BANK1: variants seen among roughly 807,000 people sequenced by gnomAD.
BANK1 encodes B cell scaffold protein with ankyrin repeats 1.
A neutral mutation model predicts 94.5 loss-of-function variants in BANK1; 95 were observed. The ratio of observed to expected loss-of-function variants is 1.00; its 90% CI spans 0.85 to 1.19. The LOEUF is 1.19. BANK1 is among the 50% of genes most tolerant of loss of function. BANK1 has a pLI of 0.00. For synonymous variants in BANK1, 334 were observed against 308.4 expected, an observed-to-expected ratio of 1.08 and a Z score of -0.87; for missense variants, 987 against 932.2, an observed-to-expected ratio of 1.06 and a Z score of -0.77.
Position 101,844,118 on chromosome 4 carries a change from A to G in BANK1, c.470-10917A>G, listed in dbSNP as rs17031709. On this transcript the variant is annotated intron_variant, in intron 2 of 16. Transcript: ENST00000322953. ...TGGAGTTGAGGTAGATGTAAAGATT[A>G]TTGATTATGGACATCCAGATATCAC... Among the ~76,000 whole-genome samples the G allele has an allele frequency of 4.8e-3, 738 of 152,250 alleles. 14 individuals are homozygous for G. The East Asian group carries it at 0.059, about 12-fold the overall frequency.
At chr4:101,844,716 C>G (rs1261443248) in intron 2 of BANK1, among the ~76,000 whole-genome samples, 1 of 152,134 alleles carries the variant, frequency 6.6e-6, no homozygotes, top group African/African-American at 2.4e-5. Flanking sequence ...GGTTGCATCC[C>G]TTGGGATGAG....
intron 7 of BANK1, among the ~76,000 whole-genome samples, chr4:101,944,938 C>T (rs549073016): frequency 3.3e-5 from 5 of 151,930 alleles, no homozygotes; most frequent in South Asian, 2.1e-4. Context: ...CAAGTGTGTG[C>T]GGAAAATAAA....
At chr4:102,026,684 G>T (rs894435915) in intron 9 of BANK1, among the ~76,000 whole-genome samples, 20 of 152,008 alleles carry the variant, frequency 1.3e-4, no homozygotes, top group Non-Finnish European at 1.2e-4. Context: ...ACAAAAATTA[G>T]CTGGGCGTGC....
chr4:101,932,086 G>T (rs746758572), intron 7 of BANK1, among the ~76,000 whole-genome samples: 1 of 151,446 alleles, frequency 6.6e-6, no homozygotes, highest in Non-Finnish European at 1.5e-5. Context: ...GTTTTAATGG[G>T]TGAAAAGTTC....
intron 6 of BANK1, among the ~76,000 whole-genome samples, chr4:101,906,654 A>G (rs1043149750): frequency 2.6e-5 from 4 of 152,144 alleles, no homozygotes; most frequent in African/African-American, 9.7e-5. Context: ...CCTCCTCATC[A>G]TCAGTGTGAA....
At chr4:101,985,750 A>T (rs544744699) in intron 7 of BANK1, among the ~76,000 whole-genome samples, 38 of 152,076 alleles carry the variant, frequency 2.5e-4, no homozygotes, top group African/African-American at 4.6e-4. Context: ...ACATGAAATT[A>T]AAAAAAATAA....
chr4:102,056,209 G>A (rs1357289329), intron 11 of BANK1, among the ~76,000 whole-genome samples: 2 of 152,132 alleles, frequency 1.3e-5, no homozygotes, highest in African/African-American at 4.8e-5. Flanking sequence ...TTCCAGGAAA[G>A]GAGATTGACA....
At chr4:101,927,002 A>G (rs1723177522) in intron 7 of BANK1, among the ~76,000 whole-genome samples, 1 of 151,748 alleles carries the variant, frequency 6.6e-6, no homozygotes, top group Non-Finnish European at 1.5e-5. Flanking sequence ...GGTAATGATG[A>G]GAATTTGGTA....
intron 2 of BANK1, among the ~76,000 whole-genome samples, chr4:101,850,823 G>C (rs531711476): frequency 2.0e-5 from 3 of 152,226 alleles, no homozygotes; most frequent in African/African-American, 7.2e-5. Flanking sequence ...TGTTTTGGGT[G>C]CCATGGACTG....
intron 14 of BANK1, among the ~76,000 whole-genome samples, chr4:102,071,683 T>C (rs1219317811): frequency 6.6e-6 from 1 of 152,192 alleles, no homozygotes; most frequent in Non-Finnish European, 1.5e-5. Context: ...TATATGTAAA[T>C]GGAAGCTCGT....
chr4:101,903,786 G>T (rs528385210), intron 6 of BANK1, among the ~76,000 whole-genome samples: 1 of 152,146 alleles, frequency 6.6e-6, no homozygotes, highest in African/African-American at 2.4e-5. Context: ...TGATCCCTAC[G>T]TATGGTTACT....
chr4:101,916,342 G>A (rs1159118645), intron 6 of BANK1, among the ~76,000 whole-genome samples: 1 of 151,936 alleles, frequency 6.6e-6, no homozygotes, highest in Non-Finnish European at 1.5e-5. Flanking sequence ...CCCCAAAGTG[G>A]TCATTCTACT....
chr4:101,915,442 AT>A (rs1300202349), intron 6 of BANK1, among the ~76,000 whole-genome samples: 1 of 152,158 alleles, frequency 6.6e-6, no homozygotes, highest in Non-Finnish European at 1.5e-5. Context: ...GCAAGAAGAA[AT>A]TAAGACTCAT....
intron 12 of BANK1, 139 bp downstream of exon 12, chr4:102,060,528 CAAAT>C: frequency 1.1e-6 from 1 of 944,246 alleles, no homozygotes; most frequent in Non-Finnish European, 1.5e-6. Flanking sequence ...TTCAAGAAAT[CAAAT>C]AATGTTTGAA....
intron 7 of BANK1, among the ~76,000 whole-genome samples, chr4:102,007,087 TA>T (rs1228735592): frequency 0.011 from 1,106 of 101,522 alleles, 12 homozygotes; most frequent in African/African-American, 0.045. Context: ...TATAAATATA[TA>T]TATAATATAT....
chr4:102,057,334 CTCTT>C (rs980343401), intron 11 of BANK1, among the ~76,000 whole-genome samples: 6 of 150,874 alleles, frequency 4.0e-5, no homozygotes, highest in African/African-American at 1.2e-4. Context: ...CTCTCTCTCT[CTCTT>C]TCTCTCTCTC....
chr4:101,940,949 T>A (rs1723722973), intron 7 of BANK1, among the ~76,000 whole-genome samples: 1 of 151,748 alleles, frequency 6.6e-6, no homozygotes, highest in Non-Finnish European at 1.5e-5. Context: ...AGTGGGGGTT[T>A]ATGCTCCACC....
intron 10 of BANK1, among the ~76,000 whole-genome samples, chr4:102,030,687 G>A (rs1278351169): frequency 2.0e-5 from 3 of 151,010 alleles, no homozygotes; most frequent in Non-Finnish European, 2.9e-5. Flanking sequence ...AGAACATGCA[G>A]TGTTTGGTTT....
intron 7 of BANK1, chr4:101,972,467 A>G (rs1226771875): frequency 6.6e-6 from 1 of 152,092 alleles, no homozygotes; most frequent in East Asian, 1.9e-4. Context: ...CATGTAATAT[A>G]CTAACACCTG....
Sources: allele counts gnomAD v4.1 joint callset (sites outside exome capture counted in the v4.1 genomes callset), GRCh38; gene constraint gnomAD v4.1.1; transcripts MANE v1.5; gene names NCBI Gene and HGNC (gene_info 2026-07-23, HGNC 2026-07-21).